AGMO: variants seen among roughly 807,000 people sequenced by gnomAD.
The protein encoded by AGMO is glyceryl-ether monooxygenase.
Under a neutral mutation model 60.2 loss-of-function variants are expected in AGMO, and 75 were observed. The observed-to-expected ratio is 1.25, with a 90% CI of 1.03 to 1.51. The LOEUF is 1.51. Ranked by LOEUF, AGMO falls within the 40% of genes most tolerant of loss-of-function variation. The pLI is 0.00. For missense variants in AGMO, 763 were observed against 525.5 expected (o/e 1.45, Z -4.42); for synonymous variants, 261 against 177.1 (o/e 1.47, Z -3.76).
intron 12 of AGMO, among the ~76,000 whole-genome samples, chr7:15,315,276 A>G (rs1780885266): frequency 6.7e-6 from 1 of 150,144 alleles, no homozygotes; most frequent in Non-Finnish European, 1.5e-5. Context: ...AAAATTTTTA[A>G]GTATGATTGA....
intron 12 of AGMO, chr7:15,306,545 T>G (rs1486928760): frequency 2.1e-5 from 10 of 466,098 alleles, no homozygotes; most frequent in African/African-American, 4.1e-5. Context: ...GGAGCCCAAT[T>G]TCACTTATAA....
At chr7:15,191,981 A>T in the AGMO span, among the ~76,000 whole-genome samples, 16,798 of 148,048 alleles carry the variant, frequency 0.11, 1,073 homozygotes, top group East Asian at 0.15. Context: ...TCTCACACAC[A>T]CACACACACA....
intron 12 of AGMO, among the ~76,000 whole-genome samples, chr7:15,269,791 C>T (rs533384992): frequency 6.6e-6 from 1 of 151,984 alleles, no homozygotes; most frequent in Admixed American, 6.6e-5. Context: ...TCCTCAGTAT[C>T]TATTATTTCC....
Position 15,411,275 on chromosome 7 carries a change from A to G in AGMO, c.609+7283T>C, listed in dbSNP as rs572170435. 2.0e-5 allele frequency among the ~76,000 whole-genome samples: 3 copies of G among 152,126 alleles called. No individual in the cohort carries two copies. The East Asian group carries it at 5.8e-4, about 29-fold the overall frequency. On this transcript the variant is annotated intron_variant, in intron 5 of 12. Coordinates refer to ENST00000342526, the MANE Select transcript of AGMO (RefSeq NM_001004320.2). ...AATAAACTTCTATTATTTATAAATT[A>G]CCCAGTCTGTGGTATTCTGTTATTG...
chr7:15,343,429 C>G (rs1235339630), intron 12 of AGMO, among the ~76,000 whole-genome samples: 2 of 152,066 alleles, frequency 1.3e-5, no homozygotes, highest in East Asian at 1.9e-4. Flanking sequence ...CAGACAGCCC[C>G]AAATCTTAGG....
chr7:15,272,797 T>C (rs576868624), intron 12 of AGMO, among the ~76,000 whole-genome samples: 5 of 152,286 alleles, frequency 3.3e-5, no homozygotes, highest in African/African-American at 1.2e-4. Flanking sequence ...ACCTGTTGTT[T>C]CCTGACTTCT....
chr7:15,227,538 A>G (rs1298165360), intron 12 of AGMO, among the ~76,000 whole-genome samples: 1 of 152,074 alleles, frequency 6.6e-6, no homozygotes, highest in Non-Finnish European at 1.5e-5. Context: ...AACTTACAAA[A>G]ACACTAAAAC....
At chr7:15,526,103 G>T (rs755933474) in intron 3 of AGMO, among the ~76,000 whole-genome samples, 1 of 152,130 alleles carries the variant, frequency 6.6e-6, no homozygotes, top group Non-Finnish European at 1.5e-5. Context: ...TGGGATTCAC[G>T]CCAGGGTGCA....
At chr7:15,366,246 A>C in intron 10 of AGMO, 24 bp from the exon 11 acceptor site, 1 of 1,564,206 alleles carries the variant, frequency 6.4e-7, no homozygotes. Flanking sequence ...ACGGAGATCA[A>C]TGGAGCCGTT....
At chr7:15,339,724 T>C (rs1038379301) in intron 12 of AGMO, among the ~76,000 whole-genome samples, 2 of 152,190 alleles carry the variant, frequency 1.3e-5, no homozygotes, top group African/African-American at 4.8e-5. Context: ...TATCCCTTTA[T>C]CCTTAAAGAA....
intron 12 of AGMO, among the ~76,000 whole-genome samples, chr7:15,266,591 T>C (rs567066544): frequency 6.6e-6 from 1 of 151,938 alleles, no homozygotes; most frequent in Non-Finnish European, 1.5e-5. Flanking sequence ...TTTCAGCTGC[T>C]TTCTCGGGTG....
At chr7:15,545,961 T>A in intron 2 of AGMO, among the ~76,000 whole-genome samples, 1 of 152,082 alleles carries the variant, frequency 6.6e-6, no homozygotes. Flanking sequence ...GAGAAACTTC[T>A]TAAATATTCT....
At chr7:15,329,273 CAT>C (rs2128543551) in intron 12 of AGMO, among the ~76,000 whole-genome samples, 1 of 152,308 alleles carries the variant, frequency 6.6e-6, no homozygotes, top group East Asian at 1.9e-4. Context: ...ATTCTTGACA[CAT>C]AGTTGCTTCC....
At chr7:15,483,805 A>AT (rs951305255) in intron 3 of AGMO, among the ~76,000 whole-genome samples, 11 of 151,974 alleles carry the variant, frequency 7.2e-5, no homozygotes, top group Non-Finnish European at 7.4e-5. Flanking sequence ...AAAACTCAGT[A>AT]TTTTTTTTGA....
the AGMO span, among the ~76,000 whole-genome samples, chr7:15,184,126 A>C: frequency 6.6e-6 from 1 of 152,148 alleles, no homozygotes; most frequent in Non-Finnish European, 1.5e-5. Context: ...CAAAAGTCTC[A>C]ATGTAAATTC....
rs144108723 is a variant in AGMO at position 15,358,462 on chromosome 7, G to A, written c.1263+7052C>T. On this transcript the variant is annotated intron_variant, in intron 12 of 12. Transcript: ENST00000342526. ...GGGTGTTTCCTAAAGGGTGAGATAC[G>A]TACTAATTAATGTTGGTACTCCGTG... 2,412 of 469,764 alleles carry A rather than the reference G, an allele frequency of 5.1e-3. 17 individuals are homozygous for A. The highest frequency in any genetic ancestry group is 0.012 in the African/African-American group (601 of 50,066). The allele number at this position is 469,764 out of a possible 1,614,324, so 29.1% of individuals were successfully genotyped here. A position where few individuals can be genotyped will look rare whatever the true frequency, so the allele number is the denominator to read the frequency against.
chr7:15,288,260 C>T (rs1784158024), intron 12 of AGMO, among the ~76,000 whole-genome samples: 2 of 151,946 alleles, frequency 1.3e-5, no homozygotes, highest in Non-Finnish European at 2.9e-5. Flanking sequence ...TCTTGATCTC[C>T]TGACCTCGAA....
chr7:15,194,167 T>C, the AGMO span, among the ~76,000 whole-genome samples: 1 of 152,158 alleles, frequency 6.6e-6, no homozygotes, highest in Admixed American at 6.6e-5. Flanking sequence ...GTGTTTCACA[T>C]TTGATGGGAT....
intron 12 of AGMO, among the ~76,000 whole-genome samples, chr7:15,330,369 T>C (rs1252791628): frequency 6.6e-6 from 1 of 152,176 alleles, no homozygotes; most frequent in Non-Finnish European, 1.5e-5. Context: ...CTTGTTCTTA[T>C]ACAAATTAAA....
Sources: gnomAD v4.1 joint callset for allele counts (sites outside exome capture counted in the v4.1 genomes callset) on GRCh38, gnomAD v4.1.1 for gene constraint, MANE v1.5 for transcripts, NCBI Gene and HGNC (gene_info 2026-07-23, HGNC 2026-07-21) for gene names.